RIMS1: variants seen among roughly 807,000 people sequenced by gnomAD.
RIMS1 encodes regulating synaptic membrane exocytosis protein 1.
In RIMS1, 83 loss-of-function variants were observed where a neutral mutation model predicts 214.1. That is an observed-to-expected ratio of 0.39 (90% CI 0.32 to 0.47). The LOEUF is 0.47. Ranked by LOEUF, RIMS1 falls within the 20% of genes least tolerant of loss-of-function variation. RIMS1 has a pLI of 0.99. For missense variants in RIMS1, 2,050 were observed against 2,161.8 expected (o/e 0.95, Z 1.03); for synonymous variants, 793 against 786.8 (o/e 1.01, Z -0.13).
In RIMS1 at chr6:72,245,806, T is replaced by C. The variant is rs199746605; in HGVS notation, c.2082-9T>C. On this transcript the variant is annotated splice_polypyrimidine_tract_variant and intron_variant, in intron 10 of 33. Transcript: ENST00000521978. ...TAATGGGATTTTCACCATATCCTGT[T>C]TCTTTTAGTGACATTCCCCGGATTC... The C allele has an allele frequency of 2.4e-4, 392 of 1,606,046 alleles. No homozygotes were observed. In the African/African-American group the frequency reaches 4.5e-3, roughly 19 times the overall value.
intron 2 of RIMS1, among the ~76,000 whole-genome samples, chr6:72,026,866 A>T (rs1816679788): frequency 6.6e-6 from 1 of 152,194 alleles, no homozygotes; most frequent in Non-Finnish European, 1.5e-5. Flanking sequence ...TCATTTCTAA[A>T]TTACTTCTGA....
intron 4 of RIMS1, among the ~76,000 whole-genome samples, chr6:72,112,291 CT>C (rs2036257630): frequency 6.6e-6 from 1 of 151,978 alleles, no homozygotes; most frequent in Non-Finnish European, 1.5e-5. Context: ...CATTGAACCC[CT>C]AATTGGCCTT....
At chr6:72,122,280 C>T (rs971828763) in intron 4 of RIMS1, among the ~76,000 whole-genome samples, 2 of 149,368 alleles carry the variant, frequency 1.3e-5, no homozygotes, top group Non-Finnish European at 3.0e-5. Flanking sequence ...TCTTGGCTCA[C>T]TGCAAGCTCC....
At chr6:72,032,934 A>C (rs1585276081) in intron 2 of RIMS1, among the ~76,000 whole-genome samples, 1 of 152,218 alleles carries the variant, frequency 6.6e-6, no homozygotes, top group Non-Finnish European at 1.5e-5. Flanking sequence ...TATAAAAAGT[A>C]CCAGGGAGTT....
At chr6:71,911,554 G>T (rs1263846624) in intron 1 of RIMS1, among the ~76,000 whole-genome samples, 3 of 152,040 alleles carry the variant, frequency 2.0e-5, no homozygotes, top group South Asian at 4.1e-4. Flanking sequence ...TCTGGCCCTT[G>T]GTGGATTTAG....
chr6:72,200,242 A>G (rs369814419), intron 6 of RIMS1, among the ~76,000 whole-genome samples: 1 of 151,920 alleles, frequency 6.6e-6, no homozygotes, highest in African/African-American at 2.4e-5. Flanking sequence ...TTCTCTTCAT[A>G]TATTAATTTT....
chr6:71,951,176 T>G (rs1007355599), intron 1 of RIMS1, among the ~76,000 whole-genome samples: 9 of 152,230 alleles, frequency 5.9e-5, no homozygotes, highest in Non-Finnish European at 1.0e-4. Flanking sequence ...TATGATGGAC[T>G]GTTCAGATTA....
chr6:72,019,179 A>G (rs764813712), intron 2 of RIMS1, among the ~76,000 whole-genome samples: 2 of 152,218 alleles, frequency 1.3e-5, no homozygotes, highest in Non-Finnish European at 2.9e-5. Context: ...GAAAATACTT[A>G]TATGAATTTT....
intron 28 of RIMS1, among the ~76,000 whole-genome samples, chr6:72,324,576 G>A (rs576502935): frequency 5.5e-4 from 84 of 151,892 alleles, no homozygotes; most frequent in Admixed American, 1.8e-3. Context: ...ATCAATAATT[G>A]CATCAAAAGT....
intron 2 of RIMS1, among the ~76,000 whole-genome samples, chr6:72,008,394 G>A (rs549207665): frequency 5.3e-5 from 8 of 152,226 alleles, no homozygotes; most frequent in South Asian, 4.1e-4. Flanking sequence ...GACCGTCGAG[G>A]CTAGGAAGAA....
intron 6 of RIMS1, chr6:72,213,177 G>C: frequency 3.9e-6 from 6 of 1,536,898 alleles, no homozygotes; most frequent in Non-Finnish European, 5.2e-6. Context: ...AGTGAGGTCT[G>C]TTGATTCCGA....
At chr6:72,380,638 T>A (rs1359476668) in intron 29 of RIMS1, among the ~76,000 whole-genome samples, 2 of 152,214 alleles carry the variant, frequency 1.3e-5, no homozygotes, top group Non-Finnish European at 2.9e-5. Context: ...TGAGCCTTTA[T>A]CTTCCTGTTG....
At chr6:72,093,334 T>C (rs1268313545) in intron 2 of RIMS1, among the ~76,000 whole-genome samples, 1 of 151,420 alleles carries the variant, frequency 6.6e-6, no homozygotes, top group African/African-American at 2.4e-5. Flanking sequence ...TGGATAGATA[T>C]ACATATGTTA....
chr6:71,929,502 G>A (rs77570867), intron 1 of RIMS1, among the ~76,000 whole-genome samples: 3,125 of 152,106 alleles, frequency 0.021, 92 homozygotes, highest in African/African-American at 0.069. Context: ...TAACAAGTTG[G>A]TGAGCACATA....
At chr6:72,091,943 A>G (rs1187894075) in intron 2 of RIMS1, among the ~76,000 whole-genome samples, 1 of 152,210 alleles carries the variant, frequency 6.6e-6, no homozygotes, top group Non-Finnish European at 1.5e-5. Context: ...TTACTGTAAG[A>G]CCATTTAATA....
intron 29 of RIMS1, among the ~76,000 whole-genome samples, chr6:72,378,710 G>T (rs1355885601): frequency 6.6e-6 from 1 of 152,122 alleles, no homozygotes; most frequent in Non-Finnish European, 1.5e-5. Context: ...GTGGTGGCAG[G>T]TGCCTATAAT....
intron 6 of RIMS1, among the ~76,000 whole-genome samples, chr6:72,184,040 A>G (rs756846756): frequency 1.3e-5 from 2 of 152,252 alleles, no homozygotes; most frequent in Non-Finnish European, 2.9e-5. Flanking sequence ...AGCCTCTTCC[A>G]GTGATTTTAG....
intron 29 of RIMS1, among the ~76,000 whole-genome samples, chr6:72,345,371 G>GTTGTGATT (rs2097223810): frequency 6.6e-6 from 1 of 151,630 alleles, no homozygotes; most frequent in Admixed American, 6.6e-5. Context: ...AGCAATAATA[G>GTTGTGATT]TTGTGATTTA....
intron 6 of RIMS1, among the ~76,000 whole-genome samples, chr6:72,224,911 G>T (rs1308001643): frequency 7.9e-5 from 12 of 152,092 alleles, no homozygotes; most frequent in Admixed American, 7.9e-4. Flanking sequence ...CTGTAGTTTT[G>T]GAGTTTTATT....
Sources: gnomAD v4.1 joint callset for allele counts (sites outside exome capture counted in the v4.1 genomes callset) on GRCh38, gnomAD v4.1.1 for gene constraint, MANE v1.5 for transcripts, NCBI Gene and HGNC (gene_info 2026-07-23, HGNC 2026-07-21) for gene names.